Variants in NT5C3B observed in about 807,000 individuals in gnomAD.
NT5C3B encodes the protein 7-methylguanosine phosphate-specific 5'-nucleotidase.
Under a neutral mutation model 32.5 loss-of-function variants are expected in NT5C3B, and 28 were observed. That is an observed-to-expected ratio of 0.86 (90% CI 0.64 to 1.18). The LOEUF is 1.18. Among genes scored for constraint, NT5C3B ranks in the 50% most tolerant of loss-of-function variants. The pLI, the probability that NT5C3B is intolerant of heterozygous loss-of-function variation, is 0.00. For synonymous variants in NT5C3B, 138 were observed against 118.0 expected, an observed-to-expected ratio of 1.17 and a Z score of -1.10; for missense variants, 317 against 322.0, an observed-to-expected ratio of 0.98 and a Z score of 0.12.
rs782472677 is a variant in NT5C3B, at chr17:41,830,795, G to A, written c.404+6C>T. Reference sequence around the variant, plus strand: ...ATAGAAATGTTTTCCAGAGCAAGACGCTTACCTGAGCATTGCATTGGACTC... The same window carrying A: ...ATAGAAATGTTTTCCAGAGCAAGACACTTACCTGAGCATTGCATTGGACTC... On this transcript the variant is annotated splice_donor_region_variant and intron_variant, in intron 6 of 8. Coordinates refer to ENST00000435506, the MANE Select transcript of NT5C3B (RefSeq NM_052935.5). 7.6e-6 allele frequency: 12 copies of A among 1,574,538 alleles called. No individual in the cohort carries two copies. The East Asian group carries it at 9.0e-5, about 12-fold the overall frequency.
At chr17:41,826,547 G>A (rs1159172916) in intron 8 of NT5C3B, among the ~76,000 whole-genome samples, 8 of 151,470 alleles carry the variant, frequency 5.3e-5, no homozygotes, top group African/African-American at 4.8e-5. Context: ...TTTTTGAGAT[G>A]GAGCCTCGCT....
chr17:41,827,766 G>A, intron 7 of NT5C3B, 140 bp from the exon 8 acceptor site: 1 of 622,690 alleles, frequency 1.6e-6, no homozygotes, highest in South Asian at 2.0e-5. Context: ...CTAAACTACG[G>A]CCCATGGGCC....
At chr17:41,829,015 T>C in intron 6 of NT5C3B, 63 bp from the exon 7 acceptor site, 2 of 1,506,246 alleles carry the variant, frequency 1.3e-6, no homozygotes, top group Non-Finnish European at 1.8e-6. Context: ...TGTTTCCTAT[T>C]TGGGTTGTTT....
intron 5 of NT5C3B, among the ~76,000 whole-genome samples, chr17:41,832,094 T>C (rs1490243435): frequency 2.6e-5 from 4 of 152,104 alleles, no homozygotes; most frequent in Non-Finnish European, 5.9e-5. Context: ...TAGTCTGTTA[T>C]TCTGTGACAG....
chr17:41,835,763 A>AG, intron 2 of NT5C3B, 96 bp downstream of exon 2: 2 of 1,223,542 alleles, frequency 1.6e-6, no homozygotes, highest in Non-Finnish European at 2.3e-6. Context: ...GAGAGCTAGG[A>AG]GGGGTCCGCG....
chr17:41,833,537 CG>C (rs1166763251), intron 4 of NT5C3B, among the ~76,000 whole-genome samples: 29 of 152,056 alleles, frequency 1.9e-4, no homozygotes, highest in African/African-American at 6.8e-4. Flanking sequence ...AGGCTGGTCT[CG>C]ATCTCCTGAC....
In NT5C3B at chr17:41,827,546, G is replaced by T. The variant is rs1555618404; in HGVS notation, c.648C>A (p.Phe216Leu). Residue 216 changes from phenylalanine (F) to leucine (L), a missense_variant, in exon 8 of 9, where the codon TTC becomes TTA. Transcript: ENST00000435506. The part of the protein sequence containing the change: ...NSSACENSGY[F>L]QQLEGKTNVI... ...CATTGGTTTTGCCCTCAAGTTGCTGGAAGTAACCAGAGTTCTCACACGCAG... is the reference window on the plus strand; with the variant it reads ...CATTGGTTTTGCCCTCAAGTTGCTGTAAGTAACCAGAGTTCTCACACGCAG... 1 of 872,320 alleles carries T rather than the reference G, an allele frequency of 1.1e-6. No individual in the cohort carries two copies. The highest frequency in any genetic ancestry group is 2.4e-5 in the East Asian group (1 of 41,694). The allele number at this position is 872,320 out of a possible 1,614,324, so 54.0% of individuals were successfully genotyped here.
chr17:41,830,990 G>A (rs1034714560), intron 5 of NT5C3B, 100 bp from the exon 6 acceptor site: 13 of 786,306 alleles, frequency 1.7e-5, no homozygotes, highest in South Asian at 4.4e-5. Context: ...CAGCATTGCC[G>A]ACAGAGGCCT....
intron 4 of NT5C3B, among the ~76,000 whole-genome samples, chr17:41,833,923 G>T (rs1205942327): frequency 2.0e-5 from 3 of 152,138 alleles, no homozygotes; most frequent in Non-Finnish European, 4.4e-5. Context: ...AATGAGAATT[G>T]ACCAAGTAAA....
chr17:41,830,611 C>T (rs1555618880), intron 6 of NT5C3B, among the ~76,000 whole-genome samples, 190 bp downstream of exon 6: 5 of 152,294 alleles, frequency 3.3e-5, no homozygotes, highest in Non-Finnish European at 1.5e-5. Flanking sequence ...GTACTACATC[C>T]ACTACCTGCT....
chr17:41,827,765 G>A lies in NT5C3B; in HGVS notation c.568-139C>T, dbSNP rs111448938. 659 of 622,402 alleles carry A rather than the reference G, an allele frequency of 1.1e-3. 7 individuals are homozygous for A. The highest frequency in any genetic ancestry group is 1.0e-2 in the African/African-American group (544 of 54,614). 38.6% of individuals were successfully genotyped at this position (622,402 alleles called of 1,614,324 possible). On this transcript the variant is annotated intron_variant, in intron 7 of 8. Transcript: ENST00000435506. The stretch of plus-strand genomic sequence containing the variant: ...AAAACTTCACTGTAGCCTAAACTAC[G>A]GCCCATGGGCCAGACTTGGCCTGCT...
At chr17:41,835,616 G>C (rs781915390) in intron 2 of NT5C3B, 1 of 466,214 alleles carries the variant, frequency 2.1e-6, no homozygotes, top group South Asian at 1.8e-5. Context: ...GGGAGGATAA[G>C]GCCCTAGGTA....
At chr17:41,828,073 G>A (rs148722800) in intron 7 of NT5C3B, among the ~76,000 whole-genome samples, 9 of 152,284 alleles carry the variant, frequency 5.9e-5, no homozygotes, top group Admixed American at 2.6e-4. Context: ...GCTCAGCTGC[G>A]GGCCACATCC....
In NT5C3B at chr17:41,825,506, G is replaced by A. The variant is rs782464583; in HGVS notation, c.*17C>T. 3.4e-6 allele frequency: 3 copies of A among 870,304 alleles called. No homozygotes were observed. Among genetic ancestry groups the A allele is most frequent in the Non-Finnish European group, 4.0e-6 (2 of 500,938 alleles). 53.9% of individuals were successfully genotyped at this position (870,304 alleles called of 1,614,324 possible). A position where few individuals can be genotyped will look rare whatever the true frequency, so the allele number is the denominator to read the frequency against. ...CCTCCTCACCACGGCCTGCAGGCCG[G>A]GCTGGAGCCTGCGCCTTCAGGGGCC... On this transcript the variant is annotated 3_prime_UTR_variant, in exon 9 of 9. Transcript: ENST00000435506.
intron 8 of NT5C3B, among the ~76,000 whole-genome samples, chr17:41,826,388 A>T (rs1555618192): frequency 1.3e-5 from 2 of 151,930 alleles, no homozygotes; most frequent in Non-Finnish European, 2.9e-5. Flanking sequence ...ACACCCAGCT[A>T]ATTGTTGTTG....
In NT5C3B at chr17:41,835,253, A is replaced by G. The variant is rs781826978; in HGVS notation, c.131T>C (p.Met44Thr). ...DRLQVISDFD[M>T]TLSRFAYNGK... ...ATTATATGCAAACCTGCTCAAGGTC[A>G]TGTCAAAATCAGAAATCACCTATAA... Residue 44 changes from methionine to threonine, a missense_variant, in exon 3 of 9, where the codon ATG (methionine) becomes ACG (threonine). Physicochemically the swap from Met to Thr is moderately conservative, Grantham distance 81 (BLOSUM62 -1). Coordinates refer to ENST00000435506, the MANE Select transcript of NT5C3B (RefSeq NM_052935.5). The G allele has an allele frequency of 6.2e-7, 1 of 1,614,184 alleles. No homozygotes were observed. Among genetic ancestry groups the G allele is most frequent in the Middle Eastern group, 1.6e-4 (1 of 6,062 alleles).
intron 5 of NT5C3B, among the ~76,000 whole-genome samples, chr17:41,831,687 A>AT (rs2048054362): frequency 6.6e-6 from 1 of 152,182 alleles, no homozygotes; most frequent in Non-Finnish European, 1.5e-5. Context: ...CCCTCGCCAA[A>AT]TGCCAGCCAG....
chr17:41,832,384 T>C lies in NT5C3B; in HGVS notation c.314+8A>G. 1 of 1,612,472 alleles carries C rather than the reference T, an allele frequency of 6.2e-7. No individual in the cohort carries two copies. The highest frequency in any genetic ancestry group is 8.5e-7 in the Non-Finnish European group (1 of 1,178,742). On this transcript the variant is annotated splice_region_variant and intron_variant, in intron 5 of 8. Transcript: ENST00000435506. ...GCCCAGAAGCTTTTCTCCACCACCA[T>C]CACTCACCATTCCACCATATGAGGT...
chr17:41,828,424 G>T, intron 7 of NT5C3B: 1 of 174,630 alleles, frequency 5.7e-6, no homozygotes, highest in Non-Finnish European at 1.2e-5. Flanking sequence ...TGCAACCTCT[G>T]CCTCCTGGGT....
Sources: gnomAD v4.1 joint callset for allele counts (sites outside exome capture counted in the v4.1 genomes callset) on GRCh38, gnomAD v4.1.1 for gene constraint, MANE v1.5 for transcripts, NCBI Gene and HGNC (gene_info 2026-07-23, HGNC 2026-07-21) for gene names.